Variants in ZNF385D observed in about 807,000 individuals in gnomAD.
The protein encoded by ZNF385D is zinc finger protein 385D, also known as zinc finger protein 659.
Under a neutral mutation model 35.8 loss-of-function variants are expected in ZNF385D, and 15 were observed. That is an observed-to-expected ratio of 0.42 (90% CI 0.28 to 0.64). The LOEUF (loss-of-function observed/expected upper bound fraction) is 0.64, where lower values mean the gene tolerates loss of function less well. Ranked by LOEUF, ZNF385D falls within the 30% of genes least tolerant of loss-of-function variation. The probability of loss-of-function intolerance (pLI) is 0.23; values close to 1 mark genes in which losing one functional copy is unlikely to be tolerated. For synonymous variants in ZNF385D, 212 were observed against 186.8 expected (o/e 1.13, Z -1.10); for missense variants, 474 against 494.6 (o/e 0.96, Z 0.39).
chr3:22,132,910 T>C (rs1358637560), intron 3 of ZNF385D, among the ~76,000 whole-genome samples: 1 of 152,132 alleles, frequency 6.6e-6, no homozygotes, highest in African/African-American at 2.4e-5. Context: ...TCACTGAGTA[T>C]TCGGTTAACT....
intron 1 of ZNF385D, among the ~76,000 whole-genome samples, chr3:21,678,220 T>G (rs1158797027): frequency 6.6e-6 from 1 of 152,076 alleles, no homozygotes; most frequent in African/African-American, 2.4e-5. Flanking sequence ...TAGAATCCAG[T>G]GAGAGGACTA....
intron 1 of ZNF385D, among the ~76,000 whole-genome samples, chr3:21,714,939 C>T (rs555108477): frequency 6.6e-6 from 1 of 152,194 alleles, no homozygotes; most frequent in East Asian, 1.9e-4. Flanking sequence ...CACATAGTTA[C>T]CCTCTGCCCG....
In ZNF385D at chr3:21,414,427, G is replaced by A. The variant is rs1559427506; in HGVS notation, c.*6787C>T. The A allele has an allele frequency of 6.6e-6, 1 of 152,086 alleles. No homozygotes were observed. The highest frequency in any genetic ancestry group is 6.6e-5 in the Admixed American group (1 of 15,256). 9.4% of individuals were successfully genotyped at this position (152,086 alleles called of 1,614,324 possible). On this transcript the variant is annotated 3_prime_UTR_variant, in exon 8 of 8. Coordinates refer to ENST00000281523, the MANE Select transcript of ZNF385D (RefSeq NM_024697.3). ...GAAAGCTAATATAGCTACAAATGATGTAGCTTTGGCATCAGGTCAGTTCCA... is the reference window on the plus strand; with the variant it reads ...GAAAGCTAATATAGCTACAAATGATATAGCTTTGGCATCAGGTCAGTTCCA...
intron 2 of ZNF385D, among the ~76,000 whole-genome samples, chr3:21,584,247 GGGATTACAGCCGTGA>G (rs1447388124): frequency 2.0e-5 from 3 of 152,056 alleles, no homozygotes; most frequent in Non-Finnish European, 2.9e-5. Flanking sequence ...CCAAAGTGCT[GGGATTACAGCCGTGA>G]GCCATTGCAC....
intron 2 of ZNF385D, among the ~76,000 whole-genome samples, chr3:22,304,520 C>T (rs1191342694): frequency 6.6e-6 from 1 of 152,070 alleles, no homozygotes; most frequent in African/African-American, 2.4e-5. Context: ...TATCTGAGGC[C>T]AGGGCCCTTG....
intron 1 of ZNF385D, among the ~76,000 whole-genome samples, chr3:21,705,863 G>A (rs79621853): frequency 0.014 from 2,071 of 152,186 alleles, 43 homozygotes; most frequent in African/African-American, 0.046. Context: ...TCCTGACCCT[G>A]CAGTACCCAG....
At chr3:21,702,568 T>G (rs2125386761) in intron 1 of ZNF385D, among the ~76,000 whole-genome samples, 1 of 152,374 alleles carries the variant, frequency 6.6e-6, no homozygotes, top group Non-Finnish European at 1.5e-5. Context: ...GCAGCCAGCT[T>G]GAATTTCTCA....
intron 3 of ZNF385D, among the ~76,000 whole-genome samples, chr3:22,125,612 G>A (rs776432669): frequency 1.3e-4 from 20 of 151,940 alleles, no homozygotes; most frequent in African/African-American, 4.6e-4. Flanking sequence ...TGGCATCAAC[G>A]TTTTATAGTT....
At chr3:22,084,645 C>G (rs561409115) in intron 3 of ZNF385D, among the ~76,000 whole-genome samples, 1 of 152,260 alleles carries the variant, frequency 6.6e-6, no homozygotes, top group Non-Finnish European at 1.5e-5. Context: ...CTTTAACAAC[C>G]CACTGTCAAA....
intron 2 of ZNF385D, among the ~76,000 whole-genome samples, chr3:22,179,021 T>C (rs984123126): frequency 1.3e-5 from 2 of 152,186 alleles, no homozygotes; most frequent in East Asian, 1.9e-4. Flanking sequence ...GGCAGCGTGA[T>C]GCCTCCAGCT....
At chr3:21,446,534 T>G (rs1344440209) in intron 4 of ZNF385D, among the ~76,000 whole-genome samples, 2 of 142,534 alleles carry the variant, frequency 1.4e-5, no homozygotes, top group African/African-American at 5.3e-5. Context: ...CACTCTATCA[T>G]GCAGGCTGGA....
rs1279063728 is a variant in ZNF385D, at chr3:21,772,383, A to ACAG, written c.326-107356_326-107355insCTG. Among the ~76,000 whole-genome samples, 15 of 151,892 alleles carry ACAG rather than the reference A, an allele frequency of 9.9e-5. No homozygotes were observed. In the East Asian group the frequency reaches 1.9e-3, roughly 20 times the overall value. On this transcript the variant is annotated intron_variant, in intron 3 of 5. Coordinates refer to the ZNF385D transcript ENST00000494108. Reference sequence around the variant, plus strand: ...AGAGAACTCCTAAAACTTAACAACAACAACAAAAAAACAAGCTGATTAGAA... The same window carrying ACAG: ...AGAGAACTCCTAAAACTTAACAACAACAGCAACAAAAAAACAAGCTGATTAGAA...
intron 3 of ZNF385D, among the ~76,000 whole-genome samples, chr3:21,821,403 C>T (rs1421947663): frequency 6.6e-6 from 1 of 151,964 alleles, no homozygotes; most frequent in Non-Finnish European, 1.5e-5. Context: ...ATAAATACTC[C>T]CACCTAATAA....
At chr3:22,270,069 G>C (rs2728993) in intron 2 of ZNF385D, among the ~76,000 whole-genome samples, 80,203 of 151,636 alleles carry the variant, frequency 0.53, 23,003 homozygotes, top group African/African-American at 0.77. Flanking sequence ...GTCTGACTCT[G>C]TAGCAAGCTG....
intron 2 of ZNF385D, among the ~76,000 whole-genome samples, chr3:22,247,725 C>T (rs1699861255): frequency 6.6e-6 from 1 of 151,876 alleles, no homozygotes; most frequent in Admixed American, 6.6e-5. Context: ...CTGCCTCAGC[C>T]TCCTGAGTAG....
intron 2 of ZNF385D, among the ~76,000 whole-genome samples, chr3:22,173,173 G>A (rs1466208455): frequency 6.6e-6 from 1 of 152,162 alleles, no homozygotes; most frequent in Non-Finnish European, 1.5e-5. Flanking sequence ...ATCAAAACTA[G>A]GGGAAGTCTG....
chr3:21,755,626 C>T (rs966453555), upstream of ZNF385D, among the ~76,000 whole-genome samples: 4 of 152,188 alleles, frequency 2.6e-5, no homozygotes, highest in African/African-American at 9.7e-5. Context: ...GCACACTGTA[C>T]TAATTCCTAC....
At chr3:21,853,568 T>G (rs1339349596) in intron 3 of ZNF385D, among the ~76,000 whole-genome samples, 1 of 150,300 alleles carries the variant, frequency 6.7e-6, no homozygotes, top group Non-Finnish European at 1.5e-5. Context: ...CCTCAGTACG[T>G]AATTGTGGGG....
At chr3:21,922,040 C>T (rs559238090) in intron 3 of ZNF385D, among the ~76,000 whole-genome samples, 26 of 151,988 alleles carry the variant, frequency 1.7e-4, no homozygotes, top group East Asian at 1.5e-3. Context: ...AAAGACACAA[C>T]GAGAAAAGAA....
Sources: allele counts gnomAD v4.1 joint callset (sites outside exome capture counted in the v4.1 genomes callset), GRCh38; gene constraint gnomAD v4.1.1; transcripts MANE v1.5; gene names NCBI Gene and HGNC (gene_info 2026-07-23, HGNC 2026-07-21).